Variants in MTUS2 observed in about 807,000 individuals in gnomAD.
MTUS2 encodes microtubule-associated tumor suppressor candidate 2.
MTUS2 carries 40 observed loss-of-function variants against 114.1 expected under a neutral mutation model. That is an observed-to-expected ratio of 0.35 (90% CI 0.27 to 0.46). The LOEUF (loss-of-function observed/expected upper bound fraction) is 0.46. MTUS2 is among the 20% of genes least tolerant of loss of function. MTUS2 has a pLI of 1.00. For synonymous variants in MTUS2, 688 were observed against 672.0 expected, an observed-to-expected ratio of 1.02 and a Z score of -0.37; for missense variants, 1,679 against 1,705.4, an observed-to-expected ratio of 0.98 and a Z score of 0.27.
intron 2 of MTUS2, among the ~76,000 whole-genome samples, chr13:28,970,564 C>T (rs1883808133): frequency 6.6e-6 from 1 of 152,236 alleles, no homozygotes; most frequent in Non-Finnish European, 1.5e-5. Flanking sequence ...AAAAAGTTTG[C>T]ATCCTTCTGC....
intron 5 of MTUS2, among the ~76,000 whole-genome samples, chr13:29,105,663 T>TTTTTTG (rs1555237248): frequency 1.4e-5 from 2 of 140,358 alleles, no homozygotes; most frequent in Admixed American, 7.1e-5. Flanking sequence ...TTTTCTTTTT[T>TTTTTTG]TCCTGGTGCA....
chr13:29,501,986 A>G (rs2139026931), intron 15 of MTUS2, among the ~76,000 whole-genome samples: 1 of 152,310 alleles, frequency 6.6e-6, no homozygotes, highest in African/African-American at 2.4e-5. Flanking sequence ...TTTTCTTCAC[A>G]TGTACATGCT....
intron 6 of MTUS2, among the ~76,000 whole-genome samples, chr13:29,282,079 C>G (rs767082428): frequency 2.0e-5 from 3 of 152,202 alleles, no homozygotes; most frequent in Non-Finnish European, 2.9e-5. Flanking sequence ...GACTGGTAAC[C>G]CTTTGAATCA....
Position 28,916,452 on chromosome 13 carries a change from T to TA in MTUS2, c.-243+76603dup, listed in dbSNP as rs756006552. Among the ~76,000 whole-genome samples, 9 of 152,122 alleles carry TA rather than the reference T, an allele frequency of 5.9e-5. No homozygotes were observed. In the South Asian group the frequency reaches 1.9e-3, roughly 31 times the overall value. ...GAACATGGAATATCTTTCCATTTTT[T>TA]ATGTCCTTTTTAATTTCTTTCATCA... On this transcript the variant is annotated intron_variant, in intron 2 of 15. Transcript: ENST00000612955.
At chr13:29,279,890 C>A (rs1377901264) in intron 5 of MTUS2, among the ~76,000 whole-genome samples, 1 of 152,216 alleles carries the variant, frequency 6.6e-6, no homozygotes, top group African/African-American at 2.4e-5. Context: ...CAAAATATTT[C>A]TCTTCTTAAG....
Position 29,480,403 on chromosome 13 carries a change from A to C in MTUS2, c.3399+39A>C, listed in dbSNP as rs1248226601. 4 of 1,470,020 alleles carry C rather than the reference A, an allele frequency of 2.7e-6. No individual in the cohort carries two copies. The Admixed American group carries it at 7.7e-5, about 28-fold the overall frequency. The allele number at this position is 1,470,020 out of a possible 1,614,324, so 91.1% of individuals were successfully genotyped here. ...GCGGCTCGAGCTCTGCTGTTGGGTG[A>C]TGCAGGTGGCGGGCGGCGGGGATCC... On this transcript the variant is annotated intron_variant, in intron 10 of 15. Coordinates refer to ENST00000612955, the MANE Select transcript of MTUS2 (RefSeq NM_001033602.4). The surrounding 1 kb of genome is among the most constrained non-coding windows in gnomAD (Gnocchi z 4.4).
chr13:29,414,568 A>G (rs1875527643), intron 8 of MTUS2, among the ~76,000 whole-genome samples: 1 of 150,982 alleles, frequency 6.6e-6, no homozygotes, highest in African/African-American at 2.4e-5. Flanking sequence ...ATATTATGGG[A>G]AATTTGCTCT....
intron 5 of MTUS2, among the ~76,000 whole-genome samples, chr13:29,145,622 T>C (rs1173515277): frequency 2.0e-5 from 3 of 152,194 alleles, no homozygotes; most frequent in Non-Finnish European, 4.4e-5. Flanking sequence ...GTTGAAGACA[T>C]GTGTGAGGTA....
chr13:29,290,952 C>T (rs774982162), intron 6 of MTUS2, among the ~76,000 whole-genome samples: 1 of 152,200 alleles, frequency 6.6e-6, no homozygotes, highest in East Asian at 1.9e-4. Flanking sequence ...TTTGAGAGCA[C>T]TTGCCACAAT....
intron 5 of MTUS2, among the ~76,000 whole-genome samples, chr13:29,258,541 G>A (rs1897356717): frequency 6.6e-6 from 1 of 152,214 alleles, no homozygotes; most frequent in Non-Finnish European, 1.5e-5. Context: ...GGACATGGCT[G>A]TTTGGGAGAC....
intron 8 of MTUS2, among the ~76,000 whole-genome samples, chr13:29,364,462 C>T (rs1870537789): frequency 6.6e-6 from 1 of 152,160 alleles, no homozygotes; most frequent in African/African-American, 2.4e-5. Context: ...GCAGTGATTG[C>T]TCTAGCATGG....
At chr13:29,263,013 T>G (rs550562499) in intron 5 of MTUS2, among the ~76,000 whole-genome samples, 1 of 152,354 alleles carries the variant, frequency 6.6e-6, no homozygotes, top group Admixed American at 6.5e-5. Context: ...ATAAGTCTAA[T>G]GACGGAAGGT....
chr13:28,891,374 C>G (rs77020523), intron 2 of MTUS2, among the ~76,000 whole-genome samples: 2,332 of 152,280 alleles, frequency 0.015, 57 homozygotes, highest in African/African-American at 0.053. Context: ...TTTTCACCAT[C>G]TACTCTTTTA....
intron 7 of MTUS2, among the ~76,000 whole-genome samples, chr13:29,357,762 C>A (rs576718156): frequency 1.9e-4 from 29 of 152,192 alleles, no homozygotes; most frequent in Non-Finnish European, 3.8e-4. Context: ...TTCACATTCT[C>A]CTATTCCATT....
intron 5 of MTUS2, among the ~76,000 whole-genome samples, chr13:29,209,260 G>A (rs1314026324): frequency 2.6e-5 from 4 of 152,122 alleles, no homozygotes; most frequent in African/African-American, 7.2e-5. Context: ...CACTTCTGGT[G>A]TCCATTTGCA....
intron 2 of MTUS2, among the ~76,000 whole-genome samples, chr13:28,998,490 C>T (rs1265930089): frequency 1.3e-5 from 2 of 152,184 alleles, no homozygotes; most frequent in Non-Finnish European, 2.9e-5. Flanking sequence ...GAGTGTTTTC[C>T]AACTTGGTTC....
intron 6 of MTUS2, among the ~76,000 whole-genome samples, chr13:29,292,823 C>G (rs1305065936): frequency 6.6e-6 from 1 of 151,854 alleles, no homozygotes; most frequent in Admixed American, 6.6e-5. Context: ...AGAAGCATGA[C>G]AAAACTAGGC....
chr13:28,883,207 T>TA (rs1453408933), intron 2 of MTUS2, among the ~76,000 whole-genome samples: 1 of 152,200 alleles, frequency 6.6e-6, no homozygotes, highest in Non-Finnish European at 1.5e-5. Flanking sequence ...TGGAGTAATG[T>TA]AAAATAGTAC....
At chr13:29,334,922 G>T (rs553437091) in intron 7 of MTUS2, among the ~76,000 whole-genome samples, 4 of 152,276 alleles carry the variant, frequency 2.6e-5, no homozygotes, top group South Asian at 2.1e-4. Flanking sequence ...AAGCTCAGGA[G>T]GGTGTATGTT....
Sources: gnomAD v4.1 joint callset for allele counts (sites outside exome capture counted in the v4.1 genomes callset) on GRCh38, gnomAD v4.1.1 for gene constraint, Gnocchi (gnomAD v3.1) non-coding constraint, MANE v1.5 for transcripts, NCBI Gene and HGNC (gene_info 2026-07-23, HGNC 2026-07-21) for gene names.